The following GRHL2 variants were observed in gnomAD, a reference collection of about 807,000 sequenced individuals.
GRHL2 encodes grainyhead like transcription factor 2.
In GRHL2, 21 loss-of-function variants were observed where a neutral mutation model predicts 83.8. That is an observed-to-expected ratio of 0.25 (90% confidence interval 0.18 to 0.36). GRHL2 has a LOEUF of 0.36. GRHL2 is among the 10% of genes least tolerant of loss of function. GRHL2 has a pLI of 1.00. For synonymous variants in GRHL2, 280 were observed against 278.9 expected, an observed-to-expected ratio of 1.00 and a Z score of -0.04; for missense variants, 623 against 781.8, an observed-to-expected ratio of 0.80 and a Z score of 2.42.
chr8:101,679,593 C>T, the GRHL2 span, among the ~76,000 whole-genome samples: 1 of 150,386 alleles, frequency 6.6e-6, no homozygotes, highest in Non-Finnish European at 1.5e-5. Context: ...AGATACTCCT[C>T]GAGAAGAGCA....
chr8:101,571,250 G>T (rs972807866), intron 5 of GRHL2, among the ~76,000 whole-genome samples: 1 of 152,216 alleles, frequency 6.6e-6, no homozygotes, highest in Non-Finnish European at 1.5e-5. Context: ...CATTTGAGCT[G>T]CATCTTGAAG....
At chr8:101,549,162 T>C (rs967343774) in intron 2 of GRHL2, among the ~76,000 whole-genome samples, 3 of 152,168 alleles carry the variant, frequency 2.0e-5, no homozygotes, top group African/African-American at 7.2e-5. Flanking sequence ...GGGTGGGGCA[T>C]GTTCTAGGCA....
rs545341684 is a variant in GRHL2 at position 101,626,571 on chromosome 8, A to G, written c.1258-5066A>G. 4.4e-4 allele frequency among the ~76,000 whole-genome samples: 67 copies of G among 152,214 alleles called. 1 individual carries two copies. The highest frequency in any genetic ancestry group is 8.3e-4 in the South Asian group (4 of 4,830). On this transcript the variant is annotated intron_variant, in intron 9 of 15. Transcript: ENST00000646743. ...TAAAATACATGTAGAGGAGCAACTT[A>G]AGTGTTAAATAAAAAACAAAGACAG... is the stretch of plus-strand genomic sequence containing the variant.
intron 11 of GRHL2, among the ~76,000 whole-genome samples, chr8:101,634,947 G>A (rs1813257379): frequency 6.6e-6 from 1 of 152,148 alleles, no homozygotes; most frequent in African/African-American, 2.4e-5. Context: ...GGCTGTTTAT[G>A]TCTGGACGCC....
At chr8:101,497,506 G>A (rs1035049045) in intron 1 of GRHL2, among the ~76,000 whole-genome samples, 1 of 152,218 alleles carries the variant, frequency 6.6e-6, no homozygotes, top group Non-Finnish European at 1.5e-5. Context: ...TGAAAAACAA[G>A]TTGTAGATGA....
chr8:101,609,192 GAGA>G (rs757564574), intron 8 of GRHL2, among the ~76,000 whole-genome samples: 23 of 150,514 alleles, frequency 1.5e-4, no homozygotes, highest in South Asian at 1.5e-3. Context: ...AGTAAGAGCA[GAGA>G]AGAAGAACAG....
intron 14 of GRHL2, among the ~76,000 whole-genome samples, chr8:101,663,744 C>T (rs751805490): frequency 1.3e-5 from 2 of 151,738 alleles, no homozygotes; most frequent in Admixed American, 6.6e-5. Context: ...ATTTTTCTTC[C>T]GTGAATTGCT....
rs116643798 is a variant in GRHL2, at chr8:101,610,489, G to A, written c.1099-9050G>A. Among the ~76,000 whole-genome samples, 1,013 of 150,936 alleles carry A rather than the reference G, an allele frequency of 6.7e-3. 93 individuals are homozygous for A. Among genetic ancestry groups the A allele is most frequent in the African/African-American group, 0.023 (939 of 40,370 alleles). On this transcript the variant is annotated intron_variant, in intron 8 of 15. Coordinates refer to ENST00000646743, the MANE Select transcript of GRHL2 (RefSeq NM_024915.4). ...AGGGCTTTGTTGATTCTGTCATGGG[G>A]GTGAGAGCTTGGAGTTCAAGAACAG...
rs1811880158 is a variant in GRHL2, at chr8:101,573,929, T to C, written c.891+105T>C. On this transcript the variant is annotated intron_variant, in intron 6 of 15. Transcript: ENST00000646743. ...TGGAAAAAAAATAAAACCTTCAACATAAATAATTCTAGAACGAATGTCAGA... is the reference window on the plus strand; with the variant it reads ...TGGAAAAAAAATAAAACCTTCAACACAAATAATTCTAGAACGAATGTCAGA... 3 of 1,263,892 alleles carry C rather than the reference T, an allele frequency of 2.4e-6. No homozygotes were observed. In the South Asian group the frequency reaches 3.8e-5, roughly 16 times the overall value. 78.3% of individuals were successfully genotyped at this position (1,263,892 alleles called of 1,614,324 possible).
At chr8:101,663,638 TAAATA>T in intron 14 of GRHL2, among the ~76,000 whole-genome samples, 1 of 150,462 alleles carries the variant, frequency 6.6e-6, no homozygotes, top group South Asian at 2.1e-4. Flanking sequence ...AATAAATAAA[TAAATA>T]AAAATAAAAG....
intron 3 of GRHL2, among the ~76,000 whole-genome samples, chr8:101,554,573 A>G (rs942411244): frequency 9.9e-5 from 15 of 152,222 alleles, no homozygotes; most frequent in African/African-American, 3.6e-4. Context: ...ATATAGATTA[A>G]TTATGACTTA....
At chr8:101,681,146 T>C in the GRHL2 span, among the ~76,000 whole-genome samples, 1 of 150,418 alleles carries the variant, frequency 6.6e-6, no homozygotes, top group East Asian at 1.9e-4. Context: ...GAGCTGGTTT[T>C]TTATAAGGAT....
At chr8:101,620,159 GTC>G (rs1812935849) in intron 9 of GRHL2, among the ~76,000 whole-genome samples, 1 of 152,098 alleles carries the variant, frequency 6.6e-6, no homozygotes, top group Admixed American at 6.6e-5. Flanking sequence ...GCTCTCTGGT[GTC>G]TCTTTTTCTA....
At chr8:101,657,182 A>ATATC (rs1377163804) in intron 14 of GRHL2, among the ~76,000 whole-genome samples, 2 of 152,172 alleles carry the variant, frequency 1.3e-5, no homozygotes, top group Admixed American at 6.5e-5. Flanking sequence ...TTTTTGATGT[A>ATATC]TATCTTAAGC....
intron 7 of GRHL2, among the ~76,000 whole-genome samples, chr8:101,594,801 A>G (rs1463681209): frequency 6.6e-6 from 1 of 152,262 alleles, no homozygotes; most frequent in Non-Finnish European, 1.5e-5. Context: ...AGCACATCCT[A>G]TGAGTATGAT....
At chr8:101,676,397 G>A in the GRHL2 span, among the ~76,000 whole-genome samples, 197 of 151,118 alleles carry the variant, frequency 1.3e-3, 1 homozygote, top group Non-Finnish European at 1.5e-3. Context: ...AAAAGTGGGC[G>A]AAGGATATGA....
intron 12 of GRHL2, among the ~76,000 whole-genome samples, chr8:101,639,501 C>T (rs889427951): frequency 3.9e-5 from 6 of 152,234 alleles, no homozygotes; most frequent in African/African-American, 1.4e-4. Flanking sequence ...AGACACACAG[C>T]TGGTAAGTGA....
chr8:101,559,353 C>CAAAAAAAAAAA (rs34176940), intron 4 of GRHL2, among the ~76,000 whole-genome samples: 5 of 88,942 alleles, frequency 5.6e-5, no homozygotes, highest in African/African-American at 2.1e-4. Context: ...ACTAAAAATA[C>CAAAAAAAAAAA]AAAAAAAAAA....
At chr8:101,553,608 C>G (rs566538011) in intron 3 of GRHL2, among the ~76,000 whole-genome samples, 1 of 147,380 alleles carries the variant, frequency 6.8e-6, no homozygotes, top group South Asian at 2.2e-4. Context: ...CTACTTCTTT[C>G]AAACTCATCC....
Sources: gnomAD v4.1 joint callset for allele counts (sites outside exome capture counted in the v4.1 genomes callset) on GRCh38, gnomAD v4.1.1 for gene constraint, MANE v1.5 for transcripts, NCBI Gene and HGNC (gene_info 2026-07-23, HGNC 2026-07-21) for gene names.